Variants in ERBB4 observed in about 807,000 individuals in gnomAD.
The protein encoded by ERBB4 is receptor tyrosine-protein kinase erbB-4.
In ERBB4, 42 loss-of-function variants were observed where a neutral mutation model predicts 158.0. The observed-to-expected ratio is 0.27, with a 90% CI of 0.21 to 0.34. The LOEUF is 0.34. Ranked by LOEUF, ERBB4 falls within the 10% of genes least tolerant of loss-of-function variation. The pLI is 1.00. For synonymous variants in ERBB4, 583 were observed against 558.7 expected, an observed-to-expected ratio of 1.04 and a Z score of -0.61; for missense variants, 1,333 against 1,624.1, an observed-to-expected ratio of 0.82 and a Z score of 3.08.
chr2:212,064,988 GGTGTGTGTGTGTGTGTGTGTGT>G (rs34396660), intron 2 of ERBB4, among the ~76,000 whole-genome samples: 23 of 143,284 alleles, frequency 1.6e-4, no homozygotes, highest in Non-Finnish European at 3.4e-4. Flanking sequence ...ACATCTTTAT[GGTGTGTGTGTGTGTGTGTGTGT>G]GTGTGTGTGT....
At chr2:212,236,839 T>C (rs965374295) in intron 1 of ERBB4, among the ~76,000 whole-genome samples, 1 of 152,226 alleles carries the variant, frequency 6.6e-6, no homozygotes, top group African/African-American at 2.4e-5. Context: ...TTATTGTGTC[T>C]ATTTGATTCT....
chr2:211,840,517 T>C (rs992468962), intron 3 of ERBB4, among the ~76,000 whole-genome samples: 18 of 152,122 alleles, frequency 1.2e-4, no homozygotes, highest in Admixed American at 3.9e-4. Flanking sequence ...GATAGATTTA[T>C]GATCCAGTTT....
chr2:211,468,255 A>C (rs1395277627), intron 20 of ERBB4, among the ~76,000 whole-genome samples: 1 of 152,190 alleles, frequency 6.6e-6, no homozygotes, highest in African/African-American at 2.4e-5. Context: ...CATGTCTGTG[A>C]ACCTCCACAA....
intron 1 of ERBB4, among the ~76,000 whole-genome samples, chr2:212,256,436 T>C (rs1236812797): frequency 5.3e-5 from 8 of 152,112 alleles, no homozygotes; most frequent in Non-Finnish European, 8.8e-5. Context: ...GAAAGTGAAT[T>C]TGATAGTCAG....
chr2:212,112,268 T>C (rs2079433815), intron 2 of ERBB4, among the ~76,000 whole-genome samples: 2 of 152,070 alleles, frequency 1.3e-5, no homozygotes, highest in African/African-American at 2.4e-5. Context: ...TTAATTCTTT[T>C]GACTATAAAA....
At chr2:212,105,615 A>C (rs1434746739) in intron 2 of ERBB4, among the ~76,000 whole-genome samples, 1 of 152,234 alleles carries the variant, frequency 6.6e-6, no homozygotes, top group East Asian at 1.9e-4. Context: ...AAAATGTTTC[A>C]ATAAAATTTA....
At chr2:211,498,951 G>A (rs1375396583) in intron 20 of ERBB4, among the ~76,000 whole-genome samples, 2 of 152,150 alleles carry the variant, frequency 1.3e-5, no homozygotes, top group Non-Finnish European at 2.9e-5. Context: ...ATGAGGAACA[G>A]AAGGGAATTG....
intron 19 of ERBB4, among the ~76,000 whole-genome samples, chr2:211,578,981 C>T (rs765626171): frequency 5.9e-5 from 9 of 152,076 alleles, no homozygotes; most frequent in Admixed American, 2.6e-4. Context: ...ATCTTCTGCA[C>T]AGCCAAAGAA....
intron 3 of ERBB4, among the ~76,000 whole-genome samples, chr2:211,883,067 A>G (rs940498464): frequency 6.6e-6 from 1 of 152,208 alleles, no homozygotes; most frequent in African/African-American, 2.4e-5. Context: ...ACAATGATAG[A>G]CCAGATTAAG....
At chr2:211,821,376 C>T (rs758378917) in intron 3 of ERBB4, among the ~76,000 whole-genome samples, 1 of 151,760 alleles carries the variant, frequency 6.6e-6, no homozygotes, top group African/African-American at 2.4e-5. Context: ...GAAGAGGATA[C>T]AAACAAAAGA....
intron 2 of ERBB4, among the ~76,000 whole-genome samples, chr2:212,090,328 A>G (rs1160526728): frequency 1.3e-5 from 2 of 152,184 alleles, no homozygotes. Flanking sequence ...CCATTGTACT[A>G]TATTTCTTGA....
intron 20 of ERBB4, among the ~76,000 whole-genome samples, chr2:211,560,464 G>T (rs1469835187): frequency 6.6e-6 from 1 of 151,292 alleles, no homozygotes; most frequent in Admixed American, 6.6e-5. Flanking sequence ...AGTAGAGATG[G>T]GGTTTCTCCA....
intron 20 of ERBB4, among the ~76,000 whole-genome samples, chr2:211,456,424 G>C (rs114438966): frequency 3.9e-5 from 6 of 151,914 alleles, no homozygotes; most frequent in African/African-American, 1.5e-4. Context: ...GCAAATTTTC[G>C]AAACATAATG....
intron 2 of ERBB4, among the ~76,000 whole-genome samples, chr2:212,071,769 T>C (rs1377120655): frequency 6.6e-6 from 1 of 152,024 alleles, no homozygotes; most frequent in East Asian, 1.9e-4. Flanking sequence ...TTGTCTACAT[T>C]GGCTAAATAT....
At chr2:211,926,501 A>T (rs1436538831) in intron 3 of ERBB4, among the ~76,000 whole-genome samples, 1 of 152,134 alleles carries the variant, frequency 6.6e-6, no homozygotes, top group Non-Finnish European at 1.5e-5. Context: ...AACACATTTT[A>T]TCTCAGTAAC....
intron 1 of ERBB4, among the ~76,000 whole-genome samples, chr2:212,433,349 A>T (rs1046695802): frequency 1.3e-5 from 2 of 152,038 alleles, no homozygotes; most frequent in Admixed American, 6.6e-5. Flanking sequence ...TTCCTATTAC[A>T]TGTAGAACTT....
chr2:211,764,120 G>A (rs930265845), intron 4 of ERBB4, among the ~76,000 whole-genome samples: 4 of 152,054 alleles, frequency 2.6e-5, no homozygotes, highest in Non-Finnish European at 5.9e-5. Flanking sequence ...ATTCACCTTC[G>A]AAGTTCATAC....
rs139062940 is a variant in ERBB4 at position 211,746,106 on chromosome 2, A to G, written c.622+4533T>C. Among the ~76,000 whole-genome samples, 3 of 152,322 alleles carry G rather than the reference A, an allele frequency of 2.0e-5. No homozygotes were observed. In the East Asian group the frequency reaches 5.8e-4, roughly 29 times the overall value. ...AAATGGAAATATTTAATAAAGTTCT[A>G]TGTTAACTTGTATACTATTCTAACA... On this transcript the variant is annotated intron_variant, in intron 5 of 27. Coordinates refer to ENST00000342788, the MANE Select transcript of ERBB4 (RefSeq NM_005235.3).
At chr2:212,391,835 T>C (rs193124614) in intron 1 of ERBB4, among the ~76,000 whole-genome samples, 1 of 145,246 alleles carries the variant, frequency 6.9e-6, no homozygotes, top group Non-Finnish European at 1.5e-5. Flanking sequence ...AAGTTATATA[T>C]GGTACATGTA....
Sources: gnomAD v4.1 joint callset for allele counts (sites outside exome capture counted in the v4.1 genomes callset) on GRCh38, gnomAD v4.1.1 for gene constraint, MANE v1.5 for transcripts, NCBI Gene and HGNC (gene_info 2026-07-23, HGNC 2026-07-21) for gene names.